CTNNA3: variants seen among roughly 807,000 people sequenced by gnomAD.
CTNNA3 encodes the protein catenin alpha 3.
A neutral mutation model predicts 95.7 loss-of-function variants in CTNNA3; 76 were observed. The observed-to-expected ratio is 0.79, with a 90% CI of 0.66 to 0.96. The LOEUF (loss-of-function observed/expected upper bound fraction) is 0.96, where lower values mean the gene tolerates loss of function less well. Ranked by LOEUF, CTNNA3 falls within the 40% of genes least tolerant of loss-of-function variation. CTNNA3 has a pLI of 0.00. For synonymous variants in CTNNA3, 431 were observed against 374.4 expected (o/e 1.15, Z -1.74); for missense variants, 1,191 against 1,089.8 (o/e 1.09, Z -1.31).
intron 12 of CTNNA3, among the ~76,000 whole-genome samples, chr10:66,297,174 A>C (rs951169764): frequency 6.6e-6 from 1 of 152,150 alleles, no homozygotes; most frequent in African/African-American, 2.4e-5. Flanking sequence ...GGGGGTTGGA[A>C]GGAATCCAGT....
Position 66,927,430 on chromosome 10 carries a change from A to G in CTNNA3, c.1048-151906T>C. On this transcript the variant is annotated intron_variant, in intron 7 of 17. Coordinates refer to ENST00000433211, the MANE Select transcript of CTNNA3 (RefSeq NM_013266.4). The surrounding 1 kb of genome is among the most constrained non-coding windows in gnomAD (Gnocchi z 4.7). ...TTTACGGTCTAACTCCCTGAGAACCATCCCTGTGCGAATATTCCAAGACTG... is the reference window on the plus strand; with the variant it reads ...TTTACGGTCTAACTCCCTGAGAACCGTCCCTGTGCGAATATTCCAAGACTG... 6.2e-7 allele frequency: 1 copy of G among 1,614,156 alleles called. No homozygotes were observed. The highest frequency in any genetic ancestry group is 1.1e-5 in the South Asian group (1 of 91,088).
At chr10:67,696,466 C>A (rs968316545), upstream of CTNNA3, among the ~76,000 whole-genome samples, 2 of 152,206 alleles carry the variant, frequency 1.3e-5, no homozygotes, top group Non-Finnish European at 2.9e-5. Flanking sequence ...GAAATCCTCA[C>A]ATCAAAAGAT....
At chr10:66,880,868 C>T (rs916208777) in intron 7 of CTNNA3, among the ~76,000 whole-genome samples, 2 of 152,076 alleles carry the variant, frequency 1.3e-5, no homozygotes, top group African/African-American at 2.4e-5. Context: ...GAAGTTACAG[C>T]CTTACAACTC....
At chr10:66,856,788 T>C (rs1183267266) in intron 7 of CTNNA3, among the ~76,000 whole-genome samples, 1 of 152,154 alleles carries the variant, frequency 6.6e-6, no homozygotes, top group African/African-American at 2.4e-5. Flanking sequence ...AAGTTCCTTA[T>C]AGATTCTGAA....
chr10:67,609,589 T>TTTC (rs1353416560), intron 2 of CTNNA3, among the ~76,000 whole-genome samples: 9 of 152,074 alleles, frequency 5.9e-5, no homozygotes, highest in Non-Finnish European at 1.3e-4. Flanking sequence ...TCACCCAGAG[T>TTTC]GGAATGTCTT....
intron 17 of CTNNA3, among the ~76,000 whole-genome samples, chr10:65,960,619 TCTCA>T (rs1340332373): frequency 6.6e-6 from 1 of 152,210 alleles, no homozygotes; most frequent in Non-Finnish European, 1.5e-5. Flanking sequence ...TAATTTCATC[TCTCA>T]AATAGTGAAC....
chr10:66,734,307 T>C (rs1328570067), intron 9 of CTNNA3, among the ~76,000 whole-genome samples: 2 of 152,072 alleles, frequency 1.3e-5, no homozygotes, highest in Non-Finnish European at 2.9e-5. Context: ...TCTCCAGTAA[T>C]TATCTTCCTT....
At chr10:67,691,644 C>T (rs1278716787) in intron 1 of CTNNA3, among the ~76,000 whole-genome samples, 2 of 150,732 alleles carry the variant, frequency 1.3e-5, no homozygotes, top group East Asian at 4.0e-4. Flanking sequence ...AGTGAGGAGC[C>T]CCTCCGCCCG....
At chr10:66,533,724 G>T (rs1841549258) in intron 10 of CTNNA3, among the ~76,000 whole-genome samples, 1 of 152,062 alleles carries the variant, frequency 6.6e-6, no homozygotes, top group South Asian at 2.1e-4. Flanking sequence ...TTTCCCAAGT[G>T]ATCAAGTCTA....
intron 10 of CTNNA3, among the ~76,000 whole-genome samples, chr10:66,616,338 T>A (rs1388400891): frequency 6.6e-6 from 1 of 152,058 alleles, no homozygotes; most frequent in Non-Finnish European, 1.5e-5. Context: ...GTTAAAAAAC[T>A]CTTCTCTATA....
At chr10:66,794,557 T>C (rs1487711481) in intron 7 of CTNNA3, among the ~76,000 whole-genome samples, 1 of 152,108 alleles carries the variant, frequency 6.6e-6, no homozygotes, top group East Asian at 1.9e-4. Context: ...TCAAAACCTT[T>C]TTTGCTGATG....
chr10:66,977,606 A>G (rs1040363745), intron 7 of CTNNA3, among the ~76,000 whole-genome samples: 1 of 152,196 alleles, frequency 6.6e-6, no homozygotes, highest in African/African-American at 2.4e-5. Flanking sequence ...CAGCATTCCT[A>G]TCTAAAGAGC....
At chr10:67,512,636 G>T (rs1023724237) in intron 5 of CTNNA3, among the ~76,000 whole-genome samples, 1 of 151,882 alleles carries the variant, frequency 6.6e-6, no homozygotes, top group African/African-American at 2.4e-5. Context: ...ACCAGATGAT[G>T]CTTATAAGTC....
At chr10:66,374,057 T>C (rs1480418182) in intron 12 of CTNNA3, among the ~76,000 whole-genome samples, 1 of 152,206 alleles carries the variant, frequency 6.6e-6, no homozygotes, top group Non-Finnish European at 1.5e-5. Context: ...TGTATCACAG[T>C]GTAATCTTGC....
intron 11 of CTNNA3, among the ~76,000 whole-genome samples, chr10:66,433,971 C>A (rs906912240): frequency 1.3e-5 from 2 of 152,162 alleles, no homozygotes; most frequent in Admixed American, 6.5e-5. Context: ...GGTGTTATTT[C>A]TGAGGCCTCT....
chr10:67,057,362 T>C lies in CTNNA3; in HGVS notation c.1047+122955A>G, dbSNP rs748728586. Among the ~76,000 whole-genome samples the C allele has an allele frequency of 9.2e-5, 14 of 152,264 alleles. No homozygotes were observed. In the South Asian group the frequency reaches 1.4e-3, roughly 16 times the overall value. ...TTAACTATAGTCACCATGCTGTGCATGGTCTTCAGAGCTTATTCATAACTA... is the reference window on the plus strand; with the variant it reads ...TTAACTATAGTCACCATGCTGTGCACGGTCTTCAGAGCTTATTCATAACTA... On this transcript the variant is annotated intron_variant, in intron 7 of 17. Transcript: ENST00000433211.
chr10:66,639,226 G>T (rs4335434), intron 9 of CTNNA3, among the ~76,000 whole-genome samples: 7,414 of 152,056 alleles, frequency 0.049, 247 homozygotes, highest in Non-Finnish European at 0.069. Context: ...AATTATAATT[G>T]CTTCTCCAGT....
intron 13 of CTNNA3, among the ~76,000 whole-genome samples, chr10:66,268,900 T>C (rs561401077): frequency 1.9e-4 from 29 of 152,328 alleles, no homozygotes; most frequent in African/African-American, 6.3e-4. Flanking sequence ...TGAAAGATAC[T>C]GAATCATTGA....
rs201326026 is a variant in CTNNA3 at position 66,106,337 on chromosome 10, TTGTGTGTGTGTGTG to T, written c.1885-3102_1885-3089del. On this transcript the variant is annotated intron_variant, in intron 13 of 17. Transcript: ENST00000433211. ...CTGGAAGTTTTGTGTGTGTGTGTGT[TTGTGTGTGTGTGTG>T]TGTGTGTGTGTGTGTGTGTGTGTGT... 4.5e-3 allele frequency among the ~76,000 whole-genome samples: 650 copies of T among 145,546 alleles called. 4 individuals carry two copies. The highest frequency in any genetic ancestry group is 1.0e-2 in the African/African-American group (388 of 38,954).
Sources: allele counts gnomAD v4.1 joint callset (sites outside exome capture counted in the v4.1 genomes callset), GRCh38; gene constraint gnomAD v4.1.1; non-coding constraint Gnocchi (gnomAD v3.1); transcripts MANE v1.5; gene names NCBI Gene and HGNC (gene_info 2026-07-23, HGNC 2026-07-21).